Variants in L3MBTL4 observed in about 807,000 individuals in gnomAD.
L3MBTL4 encodes L3MBTL histone methyl-lysine binding protein 4.
L3MBTL4 carries 70 observed loss-of-function variants against 84.5 expected under a neutral mutation model. That is an observed-to-expected ratio of 0.83 (90% CI 0.68 to 1.01). The LOEUF (loss-of-function observed/expected upper bound fraction) is 1.01, where lower values mean the gene tolerates loss of function less well. L3MBTL4 is among the 50% of genes least tolerant of loss of function. L3MBTL4 has a pLI of 0.00. For missense variants in L3MBTL4, 715 were observed against 754.8 expected, an observed-to-expected ratio of 0.95 and a Z score of 0.62; for synonymous variants, 274 against 259.8, an observed-to-expected ratio of 1.05 and a Z score of -0.52.
chr18:6,269,315 G>C (rs1362280364), intron 4 of L3MBTL4, among the ~76,000 whole-genome samples: 4 of 152,000 alleles, frequency 2.6e-5, no homozygotes, highest in African/African-American at 7.2e-5. Flanking sequence ...AAATTAGCCA[G>C]GAATGGTGGT....
chr18:6,283,589 CAA>C (rs1326380199), intron 4 of L3MBTL4, among the ~76,000 whole-genome samples: 1 of 150,380 alleles, frequency 6.6e-6, no homozygotes, highest in Non-Finnish European at 1.5e-5. Flanking sequence ...AAAAGAGCCT[CAA>C]AGTTATTTTA....
rs572068719 is a variant in L3MBTL4 at position 6,311,698 on chromosome 18, G to A, written c.-31-42C>T. The A allele has an allele frequency of 9.2e-5, 102 of 1,104,604 alleles. 1 individual carries two copies. In the East Asian group the frequency reaches 2.3e-3, roughly 25 times the overall value. The allele number at this position is 1,104,604 out of a possible 1,614,324, so 68.4% of individuals were successfully genotyped here. On this transcript the variant is annotated intron_variant, in intron 2 of 18. Transcript: ENST00000317931. ...CATAAGAAGTTGGGGATGGGGGTGTGACCCCTTCAGAATTACAGAAGCAAA... is the reference window on the plus strand; with the variant it reads ...CATAAGAAGTTGGGGATGGGGGTGTAACCCCTTCAGAATTACAGAAGCAAA...
chr18:6,254,214 T>G (rs1555704304), intron 5 of L3MBTL4, among the ~76,000 whole-genome samples: 1 of 152,106 alleles, frequency 6.6e-6, no homozygotes, highest in Non-Finnish European at 1.5e-5. Context: ...CAAAGAGGTC[T>G]AAGACCCAAA....
chr18:6,291,611 T>C (rs1473040538), intron 4 of L3MBTL4, among the ~76,000 whole-genome samples: 1 of 152,098 alleles, frequency 6.6e-6, no homozygotes, highest in East Asian at 1.9e-4. Context: ...GGACATTCGC[T>C]TCAATAAATG....
intron 16 of L3MBTL4, among the ~76,000 whole-genome samples, chr18:5,975,793 C>G (rs1173660530): frequency 6.6e-6 from 1 of 152,244 alleles, no homozygotes; most frequent in Non-Finnish European, 1.5e-5. Flanking sequence ...GCTCCTCTCT[C>G]TGACAGCAGG....
At chr18:6,039,115 T>C (rs1274003891) in intron 16 of L3MBTL4, among the ~76,000 whole-genome samples, 1 of 151,830 alleles carries the variant, frequency 6.6e-6, no homozygotes, top group Middle Eastern at 3.2e-3. Context: ...ATGGTAGTAG[T>C]CTACAAGCCA....
chr18:6,343,224 A>C (rs910668711), intron 1 of L3MBTL4, among the ~76,000 whole-genome samples: 1 of 152,218 alleles, frequency 6.6e-6, no homozygotes, highest in Non-Finnish European at 1.5e-5. Context: ...AAATTCAGCA[A>C]CACTATAAAC....
intron 16 of L3MBTL4, among the ~76,000 whole-genome samples, chr18:6,020,806 T>C (rs1384930106): frequency 1.3e-5 from 2 of 152,074 alleles, no homozygotes; most frequent in Non-Finnish European, 2.9e-5. Context: ...GATAGGATAA[T>C]AAATTTGGTT....
intron 16 of L3MBTL4, among the ~76,000 whole-genome samples, chr18:6,024,073 C>T (rs1258089974): frequency 6.6e-6 from 1 of 152,136 alleles, no homozygotes; most frequent in East Asian, 1.9e-4. Context: ...CACCGGGTTT[C>T]ACCATGTTGG....
Position 5,955,138 on chromosome 18 carries a change from G to C in L3MBTL4, c.*1082C>G, listed in dbSNP as rs2095219875. 6.6e-6 allele frequency: 1 copy of C among 152,226 alleles called. No homozygotes were observed. Among genetic ancestry groups the C allele is most frequent in the Admixed American group, 6.5e-5 (1 of 15,290 alleles). The allele number at this position is 152,226 out of a possible 1,614,324, so 9.4% of individuals were successfully genotyped here. A position where few individuals can be genotyped will look rare whatever the true frequency, so the allele number is the denominator to read the frequency against. On this transcript the variant is annotated 3_prime_UTR_variant, in exon 19 of 19. Coordinates refer to ENST00000317931, the MANE Select transcript of L3MBTL4 (RefSeq NM_001330559.2). ...AAGAAGTGTCAGAAAAGAGGTACTTGTCTTTCAACACTGTGGGACTGATTC... is the reference window on the plus strand; with the variant it reads ...AAGAAGTGTCAGAAAAGAGGTACTTCTCTTTCAACACTGTGGGACTGATTC...
intron 4 of L3MBTL4, among the ~76,000 whole-genome samples, chr18:6,272,890 G>A (rs1387489917): frequency 8.4e-6 from 1 of 119,024 alleles, no homozygotes; most frequent in Non-Finnish European, 1.7e-5. Context: ...GATTCAACTA[G>A]GACTGAATAT....
intron 16 of L3MBTL4, among the ~76,000 whole-genome samples, chr18:6,049,585 G>A (rs779275505): frequency 6.6e-6 from 1 of 152,170 alleles, no homozygotes; most frequent in Non-Finnish European, 1.5e-5. Context: ...TGCAGCTGGA[G>A]GCCATTATCT....
At chr18:6,157,074 G>A (rs184220243) in intron 13 of L3MBTL4, among the ~76,000 whole-genome samples, 1 of 152,278 alleles carries the variant, frequency 6.6e-6, no homozygotes, top group Non-Finnish European at 1.5e-5. Context: ...ATTTTGAAAC[G>A]TATTATTTTT....
At chr18:6,315,542 C>G (rs907368356) in intron 1 of L3MBTL4, among the ~76,000 whole-genome samples, 1 of 152,188 alleles carries the variant, frequency 6.6e-6, no homozygotes, top group African/African-American at 2.4e-5. Context: ...AGAGGAAACA[C>G]CAAGGGGTTA....
At chr18:6,143,994 G>A (rs1014091244) in intron 13 of L3MBTL4, among the ~76,000 whole-genome samples, 15 of 152,002 alleles carry the variant, frequency 9.9e-5, no homozygotes, top group African/African-American at 2.2e-4. Context: ...TCAGGAGATC[G>A]AGACTATCCT....
chr18:6,072,881 AATATATATATATATATAT>A lies in L3MBTL4; in HGVS notation c.1444+7982_1444+7999del, dbSNP rs71163258. ...ACTCCGTCTCAAAAAAAAAAAAAAA[AATATATATATATATATAT>A]ATATATATATATATATATATATATA... is the stretch of plus-strand genomic sequence containing the variant. On this transcript the variant is annotated intron_variant, in intron 16 of 18. Coordinates refer to ENST00000317931, the MANE Select transcript of L3MBTL4 (RefSeq NM_001330559.2). 2.9e-3 allele frequency among the ~76,000 whole-genome samples: 59 copies of A among 20,444 alleles called. 17 individuals carry two copies. The East Asian group carries it at 0.072, about 25-fold the overall frequency. 13.4% of individuals were successfully genotyped at this position (20,444 alleles called of 152,430 possible).
At chr18:6,250,562 A>G (rs1222232951) in intron 5 of L3MBTL4, among the ~76,000 whole-genome samples, 1 of 152,006 alleles carries the variant, frequency 6.6e-6, no homozygotes, top group African/African-American at 2.4e-5. Flanking sequence ...ATGCCCCTCA[A>G]TAGTCTATGT....
chr18:6,399,135 C>T (rs2144626303), intron 1 of L3MBTL4, among the ~76,000 whole-genome samples: 1 of 152,216 alleles, frequency 6.6e-6, no homozygotes, highest in Non-Finnish European at 1.5e-5. Context: ...TACACTTAGC[C>T]AAACCTTTGG....
chr18:6,246,957 T>C (rs2146194826), intron 5 of L3MBTL4, among the ~76,000 whole-genome samples: 1 of 152,148 alleles, frequency 6.6e-6, no homozygotes, highest in Non-Finnish European at 1.5e-5. Flanking sequence ...AACAAGACAG[T>C]GTAGAGAGCA....
Sources: gnomAD v4.1 joint callset for allele counts (sites outside exome capture counted in the v4.1 genomes callset) on GRCh38, gnomAD v4.1.1 for gene constraint, MANE v1.5 for transcripts, NCBI Gene and HGNC (gene_info 2026-07-23, HGNC 2026-07-21) for gene names.